FZD3: variants seen among roughly 807,000 people sequenced by gnomAD.
The protein encoded by FZD3 is frizzled class receptor 3.
In FZD3, 30 loss-of-function variants were observed where a neutral mutation model predicts 60.7. The observed-to-expected ratio is 0.49, with a 90% CI of 0.37 to 0.67. FZD3 has a LOEUF of 0.67. FZD3 is among the 30% of genes least tolerant of loss of function. The probability of loss-of-function intolerance (pLI) is 0.00; values close to 1 mark genes in which losing one functional copy is unlikely to be tolerated. For missense variants in FZD3, 605 were observed against 838.7 expected (o/e 0.72, Z 3.44); for synonymous variants, 246 against 275.2 (o/e 0.89, Z 1.05).
rs2130498615 is a variant in FZD3 at position 28,574,111 on chromosome 8, ATTTAT to A, written c.*11104_*11108del. On this transcript the variant is annotated 3_prime_UTR_variant, in exon 8 of 8. Coordinates refer to ENST00000240093, the MANE Select transcript of FZD3 (RefSeq NM_017412.4). Reference sequence around the variant, plus strand: ...TGTGCTTTGCACTCTGCTCTTGTAGATTTATTTTGTTTACAGTAGACTGATGTCAG... The same window carrying A: ...TGTGCTTTGCACTCTGCTCTTGTAGATTTGTTTACAGTAGACTGATGTCAG... 6.6e-6 allele frequency: 1 copy of A among 152,246 alleles called. No individual in the cohort carries two copies. Among genetic ancestry groups the A allele is most frequent in the South Asian group, 2.1e-4 (1 of 4,830 alleles). 9.4% of individuals were successfully genotyped at this position (152,246 alleles called of 1,614,324 possible).
chr8:28,520,348 T>C (rs74668720), intron 3 of FZD3, among the ~76,000 whole-genome samples: 1,913 of 152,334 alleles, frequency 0.013, 46 homozygotes, highest in African/African-American at 0.044. Context: ...ATTTATTCTT[T>C]GTAAAATGGA....
intron 5 of FZD3, among the ~76,000 whole-genome samples, chr8:28,549,011 A>G (rs1170147592): frequency 6.6e-6 from 1 of 152,206 alleles, no homozygotes; most frequent in Non-Finnish European, 1.5e-5. Flanking sequence ...AGCTTAAACA[A>G]CAGAAACTAA....
chr8:28,555,851 C>G lies in FZD3; in HGVS notation c.1667C>G (p.Thr556Arg), dbSNP rs1805497829. 1.8e-5 allele frequency: 29 copies of G among 1,612,914 alleles called. No individual in the cohort carries two copies. The highest frequency in any genetic ancestry group is 2.5e-5 in the Non-Finnish European group (29 of 1,178,862). Residue 556 changes from threonine to arginine, a missense_variant, in exon 7 of 8, where the codon ACA (threonine) becomes AGA (arginine). Transcript: ENST00000240093. Reference protein sequence around the residue: ...RKSRGTSTQGTSTHASSTQLA... With the variant: ...RKSRGTSTQGRSTHASSTQLA... ...TCAAGGGGAACTTCCACTCAAGGAA[C>G]ATCCACCCATGCTTCTTCAACTCAG...
chr8:28,511,898 A>G (rs1220726877), intron 3 of FZD3, among the ~76,000 whole-genome samples: 1 of 152,176 alleles, frequency 6.6e-6, no homozygotes, highest in Non-Finnish European at 1.5e-5. Flanking sequence ...AGAACCTCAC[A>G]CATAGTAACT....
intron 5 of FZD3, among the ~76,000 whole-genome samples, chr8:28,548,835 T>C (rs1043926850): frequency 1.3e-5 from 2 of 152,236 alleles, no homozygotes; most frequent in African/African-American, 2.4e-5. Context: ...TGCATTCTTA[T>C]GATAAATTAT....
intron 3 of FZD3, among the ~76,000 whole-genome samples, chr8:28,504,278 T>A (rs190063478): frequency 6.6e-6 from 1 of 152,312 alleles, no homozygotes; most frequent in African/African-American, 2.4e-5. Flanking sequence ...GCTTTTCCTC[T>A]GAGTACACGA....
chr8:28,503,131 C>T lies in FZD3; in HGVS notation c.118C>T (p.Pro40Ser), dbSNP rs1347923321. The T allele has an allele frequency of 4.3e-6, 7 of 1,613,050 alleles. No homozygotes were observed. The highest frequency in any genetic ancestry group is 2.2e-5 in the East Asian group (1 of 44,868). The stretch of plus-strand genomic sequence containing the variant: ...TACCTTGAGGATGTGCCAAGATTTG[C>T]CTTATAATACTACCTTCATGCCTAA... Reference protein sequence around the residue: ...PITLRMCQDLPYNTTFMPNLL... With the variant: ...PITLRMCQDLSYNTTFMPNLL... Residue 40 changes from proline (P) to serine (S), a missense_variant, in exon 3 of 8, where the codon CCT becomes TCT. Pro to Ser is a moderately conservative substitution (Grantham distance 74). Coordinates refer to ENST00000240093, the MANE Select transcript of FZD3 (RefSeq NM_017412.4).
rs1805824314 is a variant in FZD3 at position 28,572,418 on chromosome 8, C to T, written c.*9407C>T. Reference sequence around the variant, plus strand: ...AACCACAAATCTTATCAAGAAAATTCTCCTTAAAAAAAGTTATCCTTTATT... The same window carrying T: ...AACCACAAATCTTATCAAGAAAATTTTCCTTAAAAAAAGTTATCCTTTATT... On this transcript the variant is annotated 3_prime_UTR_variant, in exon 8 of 8. Transcript: ENST00000240093. 6.6e-6 allele frequency: 1 copy of T among 152,036 alleles called. No individual in the cohort carries two copies. The highest frequency in any genetic ancestry group is 6.5e-5 in the Admixed American group (1 of 15,268). 9.4% of individuals were successfully genotyped at this position (152,036 alleles called of 1,614,324 possible).
At chr8:28,538,510 A>G (rs1162429389) in intron 5 of FZD3, among the ~76,000 whole-genome samples, 4 of 152,152 alleles carry the variant, frequency 2.6e-5, no homozygotes, top group Non-Finnish European at 5.9e-5. Flanking sequence ...CCCAAGTCAT[A>G]CAGTAAGTTA....
At position 28,551,657 on chromosome 8, in the gene FZD3, G is replaced by T; in HGVS notation, c.1459G>T (p.Ala487Ser). The change falls in exon 6 of 8, where the codon GCT becomes TCT. Residue 487 changes from alanine (A) to serine (S), a missense_variant. Ala to Ser is a moderately conservative substitution (Grantham distance 99). Transcript: ENST00000240093. ...TCTCTTTCTGATGAAATACCTGATG[G>T]CTCTCATAGTTGGCATTCCCTCTGT... Reference protein sequence around the residue: ...LILFLMKYLMALIVGIPSVFW... With the variant: ...LILFLMKYLMSLIVGIPSVFW... 1 of 1,609,986 alleles carries T rather than the reference G, an allele frequency of 6.2e-7. No homozygotes were observed. The highest frequency in any genetic ancestry group is 8.5e-7 in the Non-Finnish European group (1 of 1,176,480).
chr8:28,537,137 A>G (rs1026468978), intron 5 of FZD3, among the ~76,000 whole-genome samples: 7 of 152,220 alleles, frequency 4.6e-5, no homozygotes, highest in Non-Finnish European at 8.8e-5. Flanking sequence ...TTCCCTGAAA[A>G]AATATTCTAT....
At chr8:28,549,985 A>G (rs1419167486) in intron 5 of FZD3, among the ~76,000 whole-genome samples, 1 of 152,132 alleles carries the variant, frequency 6.6e-6, no homozygotes, top group East Asian at 1.9e-4. Flanking sequence ...ATAAATAAAT[A>G]AGTTTCTTTA....
chr8:28,530,837 AC>A (rs1804852828), intron 5 of FZD3, among the ~76,000 whole-genome samples: 1 of 152,156 alleles, frequency 6.6e-6, no homozygotes, highest in Non-Finnish European at 1.5e-5. Flanking sequence ...ACTATATCAC[AC>A]ATACATGTAT....
chr8:28,513,917 C>T (rs1384081982), intron 3 of FZD3, among the ~76,000 whole-genome samples: 1 of 152,086 alleles, frequency 6.6e-6, no homozygotes, highest in Non-Finnish European at 1.5e-5. Context: ...TGTTGCTATG[C>T]TTGAAGGCTT....
At chr8:28,538,121 AAATAATAAT>A (rs376137685) in intron 5 of FZD3, among the ~76,000 whole-genome samples, 1 of 149,772 alleles carries the variant, frequency 6.7e-6, no homozygotes, top group African/African-American at 2.4e-5. Flanking sequence ...CTTGTCTCCA[AAATAATAAT>A]AATAATAATA....
chr8:28,518,177 G>A (rs1585961099), intron 3 of FZD3, among the ~76,000 whole-genome samples: 3 of 151,178 alleles, frequency 2.0e-5, no homozygotes. Context: ...TCCTGCCTCT[G>A]CCTCCCAAGT....
intron 2 of FZD3, among the ~76,000 whole-genome samples, chr8:28,500,494 ATTAGT>A (rs1395158499): frequency 3.9e-5 from 6 of 152,286 alleles, no homozygotes; most frequent in African/African-American, 1.4e-4. Flanking sequence ...TGAAAAATAG[ATTAGT>A]TTAAATGAAA....
intron 5 of FZD3, among the ~76,000 whole-genome samples, chr8:28,550,859 T>C (rs1805395981): frequency 6.6e-6 from 1 of 152,182 alleles, no homozygotes; most frequent in African/African-American, 2.4e-5. Flanking sequence ...TTCTAATTAG[T>C]CATTATTCTA....
intron 3 of FZD3, among the ~76,000 whole-genome samples, chr8:28,519,717 G>A (rs1213192334): frequency 2.2e-5 from 3 of 136,218 alleles, no homozygotes; most frequent in Admixed American, 7.8e-5. Flanking sequence ...GTGACAGAGC[G>A]AGACCCTGTC....
Sources: gnomAD v4.1 joint callset for allele counts (sites outside exome capture counted in the v4.1 genomes callset) on GRCh38, gnomAD v4.1.1 for gene constraint, MANE v1.5 for transcripts, NCBI Gene and HGNC (gene_info 2026-07-23, HGNC 2026-07-21) for gene names.